DLG1: variants seen among roughly 807,000 people sequenced by gnomAD.
The protein encoded by DLG1 is disks large homolog 1.
In DLG1, 42 loss-of-function variants were observed where a neutral mutation model predicts 123.4. The ratio of observed to expected loss-of-function variants is 0.34; its 90% CI spans 0.27 to 0.44. The LOEUF is 0.44. DLG1 is among the 20% of genes least tolerant of loss of function. The probability of loss-of-function intolerance (pLI) is 1.00; values close to 1 mark genes in which losing one functional copy is unlikely to be tolerated. For synonymous variants in DLG1, 317 were observed against 356.2 expected (o/e 0.89, Z 1.24); for missense variants, 942 against 1,082.6 (o/e 0.87, Z 1.82).
chr3:197,095,567 A>C (rs1388508363), intron 14 of DLG1, among the ~76,000 whole-genome samples: 2 of 151,940 alleles, frequency 1.3e-5, no homozygotes, highest in Non-Finnish European at 2.9e-5. Flanking sequence ...GTTATGTTCT[A>C]CCCAATACAT....
intron 6 of DLG1, among the ~76,000 whole-genome samples, chr3:197,143,418 G>A (rs545668660): frequency 3.3e-5 from 5 of 152,082 alleles, no homozygotes; most frequent in African/African-American, 7.2e-5. Context: ...CACCACGCCC[G>A]GCTAATTTTT....
intron 4 of DLG1, among the ~76,000 whole-genome samples, chr3:197,208,954 A>AT (rs1463894463): frequency 6.8e-6 from 1 of 146,258 alleles, no homozygotes; most frequent in Non-Finnish European, 1.5e-5. Flanking sequence ...ATTACAGGAG[A>AT]TACTGGTACA....
intron 5 of DLG1, among the ~76,000 whole-genome samples, chr3:197,175,132 A>G (rs552622219): frequency 2.0e-4 from 31 of 152,318 alleles, no homozygotes; most frequent in Non-Finnish European, 3.8e-4. Context: ...CCCAGGTGGC[A>G]CTGCCAGTTG....
At chr3:197,281,165 G>C (rs1467586735) in intron 4 of DLG1, among the ~76,000 whole-genome samples, 1 of 152,090 alleles carries the variant, frequency 6.6e-6, no homozygotes, top group African/African-American at 2.4e-5. Context: ...AGCCTCCCTG[G>C]TAGCTGGGAT....
chr3:197,267,286 G>C (rs1762076486), intron 4 of DLG1, among the ~76,000 whole-genome samples: 1 of 152,164 alleles, frequency 6.6e-6, no homozygotes, highest in Non-Finnish European at 1.5e-5. Context: ...GCAGAGTAGA[G>C]AGTAGCAAAT....
At chr3:197,244,146 G>A (rs115801627) in intron 4 of DLG1, among the ~76,000 whole-genome samples, 255 of 152,298 alleles carry the variant, frequency 1.7e-3, no homozygotes, top group African/African-American at 5.9e-3. Flanking sequence ...AGTTTTCCCC[G>A]TGTTGTGAGA....
intron 13 of DLG1, among the ~76,000 whole-genome samples, chr3:197,108,246 T>C (rs9840527): frequency 0.42 from 63,273 of 152,034 alleles, 13,738 homozygotes; most frequent in East Asian, 0.74. Flanking sequence ...ATATGGGATA[T>C]TGGTTTGTAA....
intron 4 of DLG1, among the ~76,000 whole-genome samples, chr3:197,218,810 G>C (rs909044188): frequency 2.0e-5 from 3 of 152,176 alleles, no homozygotes; most frequent in African/African-American, 7.2e-5. Flanking sequence ...AACACAGGTA[G>C]TCATCAAACA....
At chr3:197,193,003 C>T (rs556167186) in intron 5 of DLG1, among the ~76,000 whole-genome samples, 1 of 151,846 alleles carries the variant, frequency 6.6e-6, no homozygotes, top group South Asian at 2.1e-4. Flanking sequence ...AAAAAATAGC[C>T]TAGCAAAATT....
intron 3 of DLG1, among the ~76,000 whole-genome samples, chr3:197,294,833 C>T (rs1776622099): frequency 6.6e-6 from 1 of 152,056 alleles, no homozygotes; most frequent in Non-Finnish European, 1.5e-5. Flanking sequence ...ATTTCACTAA[C>T]GATTTAATTT....
At chr3:197,297,519 C>T (rs1268867908) in intron 1 of DLG1, 1 of 1,203,758 alleles carries the variant, frequency 8.3e-7, no homozygotes, top group Non-Finnish European at 1.0e-6. Context: ...GCCTCTTCCC[C>T]CGCACAAGTA....
intron 17 of DLG1, among the ~76,000 whole-genome samples, chr3:197,079,588 C>A (rs1173575848): frequency 2.0e-5 from 3 of 152,192 alleles, no homozygotes; most frequent in Non-Finnish European, 2.9e-5. Context: ...TTACAACATG[C>A]AACCTCTTTT....
chr3:197,204,767 G>C (rs1727643322), intron 4 of DLG1, among the ~76,000 whole-genome samples: 2 of 152,184 alleles, frequency 1.3e-5, no homozygotes, highest in Admixed American at 6.5e-5. Context: ...TTAAAATACA[G>C]GAGGATGTGC....
intron 4 of DLG1, among the ~76,000 whole-genome samples, chr3:197,203,114 T>A (rs114033161): frequency 6.6e-6 from 1 of 152,080 alleles, no homozygotes; most frequent in Non-Finnish European, 1.5e-5. Flanking sequence ...ATTTTAAAAA[T>A]TAGCTGGATG....
intron 24 of DLG1, among the ~76,000 whole-genome samples, chr3:197,049,838 C>T (rs1578103150): frequency 2.0e-5 from 3 of 152,086 alleles, no homozygotes; most frequent in Non-Finnish European, 1.5e-5. Context: ...CGAGGAAGAA[C>T]GATTGCTTGA....
chr3:197,289,324 G>A (rs1773653394), intron 3 of DLG1, among the ~76,000 whole-genome samples: 3 of 139,722 alleles, frequency 2.1e-5, no homozygotes, highest in African/African-American at 8.1e-5. Context: ...GTGGGGGGTG[G>A]CGTGTATACA....
chr3:197,130,465 C>G (rs140368937), intron 11 of DLG1, 62 bp downstream of exon 11: 4 of 1,342,446 alleles, frequency 3.0e-6, no homozygotes, highest in African/African-American at 1.5e-5. Flanking sequence ...GAACATTTCA[C>G]TAATGGCATC....
chr3:197,051,597 T>C lies in DLG1; in HGVS notation c.2555A>G (p.Glu852Gly). Residue 852 changes from glutamate to glycine, a missense_variant, in exon 24 of 25, where the codon GAG becomes GGG. Glu to Gly is a moderately conservative substitution (Grantham distance 98). Transcript: ENST00000667157. ...TFERAMKLEQEFTEHFTAIVQ... is the reference protein window; with the variant it reads ...TFERAMKLEQGFTEHFTAIVQ... Reference sequence around the variant, plus strand: ...CCAACCTGTGAAATGTTCAGTAAACTCCTGTTCCAGTTTCATGGCTCTCTC... The same window carrying C: ...CCAACCTGTGAAATGTTCAGTAAACCCCTGTTCCAGTTTCATGGCTCTCTC... 6.2e-7 allele frequency: 1 copy of C among 1,613,958 alleles called. No homozygotes were observed. Among genetic ancestry groups the C allele is most frequent in the Non-Finnish European group, 8.5e-7 (1 of 1,179,834 alleles).
chr3:197,210,102 C>T (rs1052288466), intron 4 of DLG1, among the ~76,000 whole-genome samples: 6 of 146,048 alleles, frequency 4.1e-5, no homozygotes, highest in Non-Finnish European at 9.2e-5. Flanking sequence ...TTCTGTGAGT[C>T]CTTCCAGTAA....
Sources: allele counts gnomAD v4.1 joint callset (sites outside exome capture counted in the v4.1 genomes callset), GRCh38; gene constraint gnomAD v4.1.1; transcripts MANE v1.5; gene names NCBI Gene and HGNC (gene_info 2026-07-23, HGNC 2026-07-21).